Variants in RBFOX1 observed in about 807,000 individuals in gnomAD.
RBFOX1 encodes the protein RNA binding fox-1 homolog 1.
In RBFOX1, 8 loss-of-function variants were observed where a neutral mutation model predicts 57.7. The ratio of observed to expected loss-of-function variants is 0.14; its 90% confidence interval spans 0.08 to 0.25. The LOEUF (loss-of-function observed/expected upper bound fraction) is 0.25, where lower values mean the gene tolerates loss of function less well. Ranked by LOEUF, RBFOX1 falls within the 10% of genes least tolerant of loss-of-function variation. RBFOX1 has a pLI of 1.00. For missense variants in RBFOX1, 611 were observed against 548.5 expected, an observed-to-expected ratio of 1.11 and a Z score of -1.14; for synonymous variants, 326 against 222.4, an observed-to-expected ratio of 1.47 and a Z score of -4.15.
At chr16:6,936,186 A>G (rs1324630511) in intron 3 of RBFOX1, among the ~76,000 whole-genome samples, 2 of 152,204 alleles carry the variant, frequency 1.3e-5, no homozygotes, top group Non-Finnish European at 2.9e-5. Context: ...GAGTTGTGCA[A>G]GGATATTACC....
intron 1 of RBFOX1, among the ~76,000 whole-genome samples, chr16:5,417,072 C>T (rs1436939496): frequency 6.6e-6 from 1 of 152,208 alleles, no homozygotes; most frequent in Admixed American, 6.5e-5. Flanking sequence ...GTGAATCCTA[C>T]CGAAGTCTCA....
intron 4 of RBFOX1, among the ~76,000 whole-genome samples, chr16:7,353,562 T>C (rs978982150): frequency 6.6e-6 from 1 of 152,218 alleles, no homozygotes; most frequent in Middle Eastern, 3.2e-3. Context: ...ACAGGCTAAA[T>C]GTTCATCAAC....
rs1423797918 is a variant in RBFOX1 at position 6,193,395 on chromosome 16, T to C, written c.-126-123600T>C. Among the ~76,000 whole-genome samples the C allele has an allele frequency of 3.0e-4, 7 of 23,374 alleles. No individual in the cohort carries two copies. The South Asian group carries it at 4.1e-3, about 14-fold the overall frequency. 15.3% of individuals were successfully genotyped at this position (23,374 alleles called of 152,430 possible). On this transcript the variant is annotated intron_variant, in intron 1 of 15. Transcript: ENST00000550418. The stretch of plus-strand genomic sequence containing the variant: ...ATATATACATTATATATATATACTA[T>C]ATATATATATATATATATATATATA...
At chr16:7,377,956 C>G (rs1240017508) in intron 4 of RBFOX1, among the ~76,000 whole-genome samples, 1 of 150,478 alleles carries the variant, frequency 6.6e-6, no homozygotes, top group African/African-American at 2.5e-5. Context: ...GGAAAGAAGA[C>G]AGCCAGGGAG....
rs117938646 is a variant in RBFOX1, at chr16:5,387,104, C to G, written c.220-80112C>G. 1.9e-3 allele frequency among the ~76,000 whole-genome samples: 287 copies of G among 152,276 alleles called. 5 individuals are homozygous for G. In the East Asian group the frequency reaches 0.046, roughly 24 times the overall value. On this transcript the variant is annotated intron_variant, in intron 1 of 2. Coordinates refer to the RBFOX1 transcript ENST00000585867. ...GGTTGCATTACTACTTGTATTACAA[C>G]TTAGGCTTGAGCTGTCTCCCCACAA...
At chr16:6,796,254 C>G (rs949129199) in intron 3 of RBFOX1, among the ~76,000 whole-genome samples, 4 of 152,094 alleles carry the variant, frequency 2.6e-5, no homozygotes, top group African/African-American at 9.7e-5. Flanking sequence ...AGGAAAGACC[C>G]ACCCCCGTAA....
At chr16:6,797,950 T>G (rs550749776) in intron 3 of RBFOX1, among the ~76,000 whole-genome samples, 1 of 152,218 alleles carries the variant, frequency 6.6e-6, no homozygotes, top group South Asian at 2.1e-4. Context: ...ATGGAGATGA[T>G]GATGATGGTG....
intron 4 of RBFOX1, among the ~76,000 whole-genome samples, chr16:7,056,655 G>A (rs1458653152): frequency 2.0e-5 from 3 of 152,156 alleles, no homozygotes; most frequent in African/African-American, 7.2e-5. Flanking sequence ...TCATAGGGTG[G>A]GAGATTCCAA....
chr16:5,828,507 G>T (rs1380906862), intron 3 of RBFOX1, among the ~76,000 whole-genome samples: 1 of 152,106 alleles, frequency 6.6e-6, no homozygotes, highest in Admixed American at 6.5e-5. Flanking sequence ...AGACCATCCT[G>T]ACCAACATGG....
intron 4 of RBFOX1, among the ~76,000 whole-genome samples, chr16:5,884,595 C>A (rs8047295): frequency 0.67 from 102,420 of 151,804 alleles, 36,493 homozygotes; most frequent in African/African-American, 0.92. Context: ...TGACTTTTTC[C>A]AACGTAGCCA....
At chr16:7,292,573 G>A (rs2095813131) in intron 4 of RBFOX1, among the ~76,000 whole-genome samples, 1 of 148,872 alleles carries the variant, frequency 6.7e-6, no homozygotes, top group Non-Finnish European at 1.5e-5. Flanking sequence ...ACAGAAGTGG[G>A]TTGTGCACGG....
At chr16:7,154,717 G>C (rs1350191166) in intron 4 of RBFOX1, among the ~76,000 whole-genome samples, 1 of 110,350 alleles carries the variant, frequency 9.1e-6, no homozygotes, top group Admixed American at 1.1e-4. Flanking sequence ...GTGTGTGTGT[G>C]TGTGTGTGTG....
chr16:7,435,179 GTCT>G (rs1224388083), intron 4 of RBFOX1, among the ~76,000 whole-genome samples: 15 of 151,914 alleles, frequency 9.9e-5, no homozygotes, highest in African/African-American at 3.4e-4. Flanking sequence ...TAATTGCCAT[GTCT>G]TCTTCTCCCC....
At chr16:5,842,357 G>A (rs1030725097) in intron 3 of RBFOX1, among the ~76,000 whole-genome samples, 6 of 152,078 alleles carry the variant, frequency 3.9e-5, no homozygotes, top group African/African-American at 1.2e-4. Flanking sequence ...AGGGAATTTT[G>A]TTCTCTCTGT....
At chr16:6,381,402 T>A (rs193180855) in intron 2 of RBFOX1, among the ~76,000 whole-genome samples, 32 of 152,192 alleles carry the variant, frequency 2.1e-4, no homozygotes, top group Non-Finnish European at 3.5e-4. Context: ...ATTGTTTAGC[T>A]CCCAGTTATA....
At chr16:6,739,018 T>G (rs2071274729) in intron 3 of RBFOX1, among the ~76,000 whole-genome samples, 1 of 152,168 alleles carries the variant, frequency 6.6e-6, no homozygotes, top group South Asian at 2.1e-4. Context: ...TACCCCTAAA[T>G]GCTTTCAATT....
At chr16:7,044,507 C>T (rs146044793) in intron 3 of RBFOX1, among the ~76,000 whole-genome samples, 17 of 152,230 alleles carry the variant, frequency 1.1e-4, no homozygotes, top group Admixed American at 7.2e-4. Context: ...CTCGTTCAAC[C>T]GGGAGAGCAA....
chr16:6,138,650 G>A (rs1458094363), intron 1 of RBFOX1, among the ~76,000 whole-genome samples: 2 of 151,986 alleles, frequency 1.3e-5, no homozygotes, highest in Non-Finnish European at 2.9e-5. Context: ...GACAGATCAC[G>A]AGGTCAGGAG....
intron 4 of RBFOX1, among the ~76,000 whole-genome samples, chr16:7,173,328 G>T (rs1445678662): frequency 3.9e-5 from 6 of 152,134 alleles, no homozygotes. Context: ...CTGGAGCTCA[G>T]TGCCACCATC....
Sources: gnomAD v4.1 joint callset for allele counts (sites outside exome capture counted in the v4.1 genomes callset) on GRCh38, gnomAD v4.1.1 for gene constraint, MANE v1.5 for transcripts, NCBI Gene and HGNC (gene_info 2026-07-23, HGNC 2026-07-21) for gene names.